Variants in PRKCB observed in about 807,000 individuals in gnomAD.
PRKCB encodes the protein protein kinase C beta type.
A neutral mutation model predicts 81.5 loss-of-function variants in PRKCB; 13 were observed. That is an observed-to-expected ratio of 0.16 (90% CI 0.10 to 0.25). PRKCB has a LOEUF of 0.25. PRKCB is among the 10% of genes least tolerant of loss of function. PRKCB has a pLI of 1.00. For missense variants in PRKCB, 509 were observed against 875.7 expected, an observed-to-expected ratio of 0.58 and a Z score of 5.29; for synonymous variants, 335 against 321.4, an observed-to-expected ratio of 1.04 and a Z score of -0.45.
intron 3 of PRKCB, among the ~76,000 whole-genome samples, chr16:24,024,581 T>A (rs1319718421): frequency 6.6e-6 from 1 of 152,210 alleles, no homozygotes; most frequent in Non-Finnish European, 1.5e-5. Flanking sequence ...ACAATCACAT[T>A]GTACCCCATA....
chr16:24,115,941 G>A (rs558523663), intron 8 of PRKCB, among the ~76,000 whole-genome samples: 12 of 152,064 alleles, frequency 7.9e-5, no homozygotes, highest in Admixed American at 7.9e-4. Context: ...TAGCCAGGAT[G>A]GTCTCGATCT....
intron 9 of PRKCB, among the ~76,000 whole-genome samples, chr16:24,127,298 G>A (rs745480567): frequency 1.3e-4 from 19 of 151,996 alleles, no homozygotes; most frequent in Admixed American, 3.3e-4. Context: ...GAGCCACCAC[G>A]CCCGGCCATG....
At chr16:24,182,788 C>T (rs759714685) in intron 13 of PRKCB, among the ~76,000 whole-genome samples, 5 of 151,852 alleles carry the variant, frequency 3.3e-5, no homozygotes, top group African/African-American at 9.7e-5. Flanking sequence ...TCACGACCAG[C>T]GAGGAACTTC....
At chr16:23,989,844 T>A (rs1268801226) in intron 3 of PRKCB, among the ~76,000 whole-genome samples, 2 of 152,176 alleles carry the variant, frequency 1.3e-5, no homozygotes, top group Non-Finnish European at 2.9e-5. Context: ...TTTTCCCGGC[T>A]CTCTTGTAGC....
intron 3 of PRKCB, among the ~76,000 whole-genome samples, chr16:23,997,204 GGAGT>G (rs1964970485): frequency 6.6e-6 from 1 of 152,148 alleles, no homozygotes. Flanking sequence ...GAAGTTGGCT[GGAGT>G]GATTGATCTG....
Position 24,216,553 on chromosome 16 carries a change from C to A in PRKCB, c.*1737C>A. 1.0e-6 allele frequency: 1 copy of A among 985,470 alleles called. No homozygotes were observed. Among genetic ancestry groups the A allele is most frequent in the Non-Finnish European group, 1.2e-6 (1 of 829,952 alleles). 61.0% of individuals were successfully genotyped at this position (985,470 alleles called of 1,614,324 possible). A position where few individuals can be genotyped will look rare whatever the true frequency, so the allele number is the denominator to read the frequency against. ...GAGACCATCAAGGGAACTTTAACAACTTGACAAATGTCCTTGAAGTAAGAT... is the reference window on the plus strand; with the variant it reads ...GAGACCATCAAGGGAACTTTAACAAATTGACAAATGTCCTTGAAGTAAGAT... On this transcript the variant is annotated 3_prime_UTR_variant, in exon 17 of 17. Transcript: ENST00000643927.
chr16:24,181,504 C>T (rs181463043), intron 13 of PRKCB, among the ~76,000 whole-genome samples: 22 of 152,208 alleles, frequency 1.4e-4, no homozygotes, highest in Admixed American at 2.6e-4. Flanking sequence ...TGGCAGCTCG[C>T]GCCTGTAATC....
intron 9 of PRKCB, among the ~76,000 whole-genome samples, chr16:24,136,949 C>T (rs1596564397): frequency 6.6e-6 from 1 of 152,108 alleles, no homozygotes; most frequent in Non-Finnish European, 1.5e-5. Flanking sequence ...ATGATCTCGG[C>T]TCACTGCAAC....
At chr16:23,851,954 G>A (rs1037091257) in intron 2 of PRKCB, among the ~76,000 whole-genome samples, 1 of 152,170 alleles carries the variant, frequency 6.6e-6, no homozygotes. Context: ...ACTACTGATT[G>A]TATGTTGGTT....
intron 4 of PRKCB, among the ~76,000 whole-genome samples, chr16:24,033,424 G>A (rs569876851): frequency 2.0e-5 from 3 of 152,272 alleles, no homozygotes; most frequent in African/African-American, 7.2e-5. Flanking sequence ...GAGAGACTCA[G>A]CTAGAGAGAG....
chr16:23,943,863 T>C (rs1964170087), intron 2 of PRKCB, among the ~76,000 whole-genome samples: 1 of 152,144 alleles, frequency 6.6e-6, no homozygotes, highest in Non-Finnish European at 1.5e-5. Flanking sequence ...AATGAACTGA[T>C]TCATTTTTTT....
intron 2 of PRKCB, among the ~76,000 whole-genome samples, chr16:23,934,669 G>A (rs547349978): frequency 6.6e-6 from 1 of 152,294 alleles, no homozygotes; most frequent in South Asian, 2.1e-4. Flanking sequence ...GGAATTGTCA[G>A]TGTTTATACG....
intron 5 of PRKCB, among the ~76,000 whole-genome samples, chr16:24,060,349 G>T (rs1462435575): frequency 2.0e-5 from 3 of 152,030 alleles, no homozygotes; most frequent in Non-Finnish European, 4.4e-5. Flanking sequence ...CATAATGAGG[G>T]GTTAGTTAGT....
At chr16:24,180,975 G>A (rs369111427) in intron 13 of PRKCB, 47 bp downstream of exon 13, 8 of 1,601,868 alleles carry the variant, frequency 5.0e-6, no homozygotes, top group Non-Finnish European at 6.0e-6. Context: ...TGTACCCTCT[G>A]CTCCCCAGAT....
At chr16:24,014,840 C>A (rs9921263) in intron 3 of PRKCB, among the ~76,000 whole-genome samples, 2,169 of 152,244 alleles carry the variant, frequency 0.014, 51 homozygotes, top group African/African-American at 0.05. Context: ...GTCACCCAGG[C>A]TGGAGTGCAA....
At chr16:23,883,199 A>T (rs1451075643) in intron 2 of PRKCB, among the ~76,000 whole-genome samples, 1 of 152,192 alleles carries the variant, frequency 6.6e-6, no homozygotes, top group Non-Finnish European at 1.5e-5. Flanking sequence ...AAATGTCATG[A>T]TACTGAATCA....
intron 2 of PRKCB, among the ~76,000 whole-genome samples, chr16:23,840,342 C>CGAAAAA (rs1392938635): frequency 7.2e-5 from 11 of 152,174 alleles, no homozygotes; most frequent in Admixed American, 6.5e-4. Context: ...TCCACTATCC[C>CGAAAAA]TGGGGAGTGA....
intron 9 of PRKCB, among the ~76,000 whole-genome samples, chr16:24,142,048 G>T (rs1445264486): frequency 6.6e-6 from 1 of 152,074 alleles, no homozygotes; most frequent in Non-Finnish European, 1.5e-5. Flanking sequence ...AGCTTAACCT[G>T]CATTATGTCA....
intron 13 of PRKCB, among the ~76,000 whole-genome samples, chr16:24,183,343 T>TA (rs1967656916): frequency 6.6e-6 from 1 of 152,178 alleles, no homozygotes; most frequent in Non-Finnish European, 1.5e-5. Flanking sequence ...TTTTTTATGG[T>TA]AAAAACACTT....
Sources: allele counts gnomAD v4.1 joint callset (sites outside exome capture counted in the v4.1 genomes callset), GRCh38; gene constraint gnomAD v4.1.1; transcripts MANE v1.5; gene names NCBI Gene and HGNC (gene_info 2026-07-23, HGNC 2026-07-21).